ALG6: variants seen among roughly 807,000 people sequenced by gnomAD.
ALG6 encodes ALG6 alpha-1,3-glucosyltransferase, also known as dolichyl pyrophosphate Man9GlcNAc2 alpha-1,3-glucosyltransferase.
Under a neutral mutation model 66.6 loss-of-function variants are expected in ALG6, and 46 were observed. The observed-to-expected ratio is 0.69, with a 90% CI of 0.55 to 0.88. ALG6 has a LOEUF of 0.88. ALG6 is among the 40% of genes least tolerant of loss of function. The pLI is 0.00. For synonymous variants in ALG6, 185 were observed against 203.7 expected (o/e 0.91, Z 0.78); for missense variants, 505 against 586.8 (o/e 0.86, Z 1.44).
chr1:63,412,210 AT>A, intron 9 of ALG6, 149 bp downstream of exon 9: 3 of 1,295,778 alleles, frequency 2.3e-6, no homozygotes, highest in Non-Finnish European at 3.3e-6. Flanking sequence ...TGATTAATTG[AT>A]TGGTTGAGAC....
Position 63,433,170 on chromosome 1 carries a change from T to TGACCTCGTGATC in ALG6, c.1327-3652_1327-3641dup, listed in dbSNP as rs1414188299. ...ATTGGCCAGGCTGGTCTCGAACTCC[T>TGACCTCGTGATC]GACCTCGTGATCCACCCGCCTCAGC... On this transcript the variant is annotated intron_variant, in intron 14 of 14. Coordinates refer to ENST00000263440, the MANE Select transcript of ALG6 (RefSeq NM_013339.4). The surrounding 1 kb of genome is among the most constrained non-coding windows in gnomAD (Gnocchi z 4.2). 2.0e-5 allele frequency among the ~76,000 whole-genome samples: 3 copies of TGACCTCGTGATC among 152,264 alleles called. No individual in the cohort carries two copies. Among genetic ancestry groups the TGACCTCGTGATC allele is most frequent in the Non-Finnish European group, 4.4e-5 (3 of 68,022 alleles).
At chr1:63,406,197 C>A in intron 5 of ALG6, 120 bp from the exon 6 acceptor site, 1 of 865,692 alleles carries the variant, frequency 1.2e-6, no homozygotes, top group Non-Finnish European at 1.9e-6. Flanking sequence ...AAGGACTTGT[C>A]CATAGTAGGG....
At chr1:63,423,614 G>A (rs1016926685) in intron 12 of ALG6, among the ~76,000 whole-genome samples, 2 of 152,134 alleles carry the variant, frequency 1.3e-5, no homozygotes, top group Admixed American at 6.5e-5. Context: ...TATTATATGT[G>A]GTCTTTTGTG....
intron 2 of ALG6, among the ~76,000 whole-genome samples, chr1:63,389,943 C>G (rs1648618653): frequency 6.6e-6 from 1 of 152,196 alleles, no homozygotes; most frequent in Non-Finnish European, 1.5e-5. Context: ...TGGAGTCTGT[C>G]TCTCCATGTT....
At chr1:63,409,902 T>C (rs1644507914) in intron 7 of ALG6, among the ~76,000 whole-genome samples, 1 of 152,190 alleles carries the variant, frequency 6.6e-6, no homozygotes, top group Admixed American at 6.5e-5. Context: ...GTTCATTTCT[T>C]CAGAAAAATA....
Position 63,411,163 on chromosome 1 carries a change from T to C in ALG6, c.512T>C (p.Leu171Pro). Residue 171 changes from leucine to proline, a missense_variant, in exon 8 of 15, where the codon CTT becomes CCT. Physicochemically the swap from Leu to Pro is moderately conservative, Grantham distance 98. Transcript: ENST00000263440. Reference protein sequence around the residue: ...YGHFQYNSVSLGFALWGVLGI... With the variant: ...YGHFQYNSVSPGFALWGVLGI... ...AGGAACATATATAATTCTGTGAGTC[T>C]TGGCTTTGCTTTGTGGGGTGTTCTT... 8 of 1,613,874 alleles carry C rather than the reference T, an allele frequency of 5.0e-6. No individual in the cohort carries two copies. The highest frequency in any genetic ancestry group is 1.3e-5 in the African/African-American group (1 of 75,026).
Position 63,433,752 on chromosome 1 carries a change from G to A in ALG6, c.1327-3071G>A, listed in dbSNP as rs113805703. 0.021 allele frequency among the ~76,000 whole-genome samples: 3,265 copies of A among 152,258 alleles called. 124 individuals are homozygous for A. Among genetic ancestry groups the A allele is most frequent in the African/African-American group, 0.074 (3,091 of 41,538 alleles). Reference sequence around the variant, plus strand: ...TGTTCTGGAGGCTGAGGATACGGTAGTGACCAAAACTAACAGAAATCCCTG... The same window carrying A: ...TGTTCTGGAGGCTGAGGATACGGTAATGACCAAAACTAACAGAAATCCCTG... On this transcript the variant is annotated intron_variant, in intron 14 of 14. Transcript: ENST00000263440. This position sits in a 1 kb window ranked among gnomAD's most constrained non-coding sequence, Gnocchi z 4.2.
chr1:63,435,722 ATAAATT>A (rs1192568490), intron 14 of ALG6, among the ~76,000 whole-genome samples: 3 of 152,146 alleles, frequency 2.0e-5, no homozygotes, highest in Non-Finnish European at 2.9e-5. Flanking sequence ...AGACATATAT[ATAAATT>A]TAAACTTATT....
intron 12 of ALG6, among the ~76,000 whole-genome samples, chr1:63,422,694 G>A (rs945072579): frequency 5.3e-5 from 8 of 151,732 alleles, no homozygotes; most frequent in South Asian, 2.1e-4. Context: ...AGTGGCTCAT[G>A]CCTGTAATCC....
chr1:63,400,235 ATATATATACG>A (rs1557587373), intron 3 of ALG6, among the ~76,000 whole-genome samples: 1 of 21,558 alleles, frequency 4.6e-5, no homozygotes, highest in African/African-American at 3.6e-4. Context: ...ATATATATAT[ATATATATACG>A]TATATATATG....
chr1:63,427,949 G>A (rs1644626004), intron 12 of ALG6, among the ~76,000 whole-genome samples: 1 of 151,900 alleles, frequency 6.6e-6, no homozygotes, highest in South Asian at 2.1e-4. Context: ...TGGGATTACA[G>A]GCACGCACCA....
chr1:63,416,672 G>A (rs1228611601), intron 11 of ALG6, among the ~76,000 whole-genome samples: 1 of 152,068 alleles, frequency 6.6e-6, no homozygotes, highest in African/African-American at 2.4e-5. Flanking sequence ...AGAGGGGGCA[G>A]ATCTCTGTTT....
chr1:63,412,807 A>T (rs1267200373), intron 9 of ALG6, among the ~76,000 whole-genome samples: 1 of 152,204 alleles, frequency 6.6e-6, no homozygotes, highest in Non-Finnish European at 1.5e-5. Flanking sequence ...CCTTTTAATA[A>T]AGTTAGACAG....
intron 7 of ALG6, among the ~76,000 whole-genome samples, chr1:63,408,822 C>T (rs540940603): frequency 1.3e-5 from 2 of 152,298 alleles, no homozygotes; most frequent in South Asian, 2.1e-4. Flanking sequence ...TCTTGTCCGC[C>T]ATGCTGGAAT....
At chr1:63,428,478 A>C (rs1644628652) in intron 12 of ALG6, 1 of 317,192 alleles carries the variant, frequency 3.2e-6, no homozygotes. Flanking sequence ...GATAGAGAAA[A>C]AAAGTTCCAT....
chr1:63,371,812 C>T (rs1457012308), intron 2 of ALG6, among the ~76,000 whole-genome samples: 1 of 152,170 alleles, frequency 6.6e-6, no homozygotes, highest in South Asian at 2.1e-4. Flanking sequence ...ACCATGCTGG[C>T]CAGGCTGGTG....
chr1:63,436,688 T>C lies in ALG6; in HGVS notation c.1327-135T>C, dbSNP rs1570097073. On this transcript the variant is annotated intron_variant, in intron 14 of 14. Coordinates refer to ENST00000263440, the MANE Select transcript of ALG6 (RefSeq NM_013339.4). ...ATATGATTCTAATAGGAAGTCAAAG[T>C]TGAGATACACCAGAATAAATTAGAC... is the stretch of plus-strand genomic sequence containing the variant. 10 of 839,382 alleles carry C rather than the reference T, an allele frequency of 1.2e-5. No homozygotes were observed. In the East Asian group the frequency reaches 2.6e-4, roughly 22 times the overall value. The allele number at this position is 839,382 out of a possible 1,614,324, so 52.0% of individuals were successfully genotyped here.
At chr1:63,414,470 G>A (rs1198333130) in intron 10 of ALG6, among the ~76,000 whole-genome samples, 3 of 151,962 alleles carry the variant, frequency 2.0e-5, no homozygotes, top group East Asian at 1.9e-4. Context: ...GGCTGGTCTC[G>A]AACTCCTGAC....
intron 3 of ALG6, among the ~76,000 whole-genome samples, chr1:63,398,316 T>G (rs1052590276): frequency 2.0e-4 from 30 of 152,158 alleles, no homozygotes; most frequent in African/African-American, 6.8e-4. Flanking sequence ...TATGTGCTCA[T>G]TTTTTCTAGG....
Sources: gnomAD v4.1 joint callset for allele counts (sites outside exome capture counted in the v4.1 genomes callset) on GRCh38, gnomAD v4.1.1 for gene constraint, Gnocchi (gnomAD v3.1) non-coding constraint, MANE v1.5 for transcripts, NCBI Gene and HGNC (gene_info 2026-07-23, HGNC 2026-07-21) for gene names.